The following RRN3 variants were observed in gnomAD, a reference collection of about 807,000 sequenced individuals.
RRN3 encodes RNA polymerase I-specific transcription initiation factor RRN3.
A neutral mutation model predicts 82.3 loss-of-function variants in RRN3; 38 were observed. The ratio of observed to expected loss-of-function variants is 0.46; its 90% CI spans 0.36 to 0.61. The LOEUF is 0.61. Ranked by LOEUF, RRN3 falls within the 20% of genes least tolerant of loss-of-function variation. RRN3 has a pLI of 0.00. For synonymous variants in RRN3, 284 were observed against 284.3 expected, an observed-to-expected ratio of 1.00 and a Z score of 0.01; for missense variants, 726 against 793.1, an observed-to-expected ratio of 0.92 and a Z score of 1.02.
At chr16:15,062,858 G>A (rs1202045064) in intron 17 of RRN3, among the ~76,000 whole-genome samples, 1 of 152,172 alleles carries the variant, frequency 6.6e-6, no homozygotes, top group Non-Finnish European at 1.5e-5. Context: ...AGTAAGACAC[G>A]GTTTTGGTGT....
In RRN3 at chr16:15,060,079, A is replaced by G. The variant is rs1176847374; in HGVS notation, c.*1665T>C. The G allele has an allele frequency of 3.2e-6, 1 of 311,068 alleles. No homozygotes were observed. The highest frequency in any genetic ancestry group is 6.4e-6 in the Non-Finnish European group (1 of 155,754). 19.3% of individuals were successfully genotyped at this position (311,068 alleles called of 1,614,324 possible). A position where few individuals can be genotyped will look rare whatever the true frequency, so the allele number is the denominator to read the frequency against. On this transcript the variant is annotated 3_prime_UTR_variant, in exon 18 of 18. Coordinates refer to ENST00000198767, the MANE Select transcript of RRN3 (RefSeq NM_018427.5). ...GGTATAAGAACGTAAGTTCCAGATT[A>G]ACCATGTCATTGTTTCATTTTCACC...
Position 15,094,168 on chromosome 16 carries a change from C to T in RRN3, c.66G>A (p.Lys22=), listed in dbSNP as rs141563647. ...GDAAASSSAV[K]KLGASRTGIS... is the part of the protein sequence containing the mutation. Reference sequence around the variant, plus strand: ...ACCCAGTCCTCGACGCGCCCAGCTTCTTAACTGCAGAGGACGAAGCGGCCG... The same window carrying T: ...ACCCAGTCCTCGACGCGCCCAGCTTTTTAACTGCAGAGGACGAAGCGGCCG... The change falls in exon 1 of 18, where the codon AAG becomes AAA. Residue 22 remains lysine, a synonymous_variant. Coordinates refer to ENST00000198767, the MANE Select transcript of RRN3 (RefSeq NM_018427.5). 2 of 1,602,248 alleles carry T rather than the reference C, an allele frequency of 1.2e-6. No homozygotes were observed. The highest frequency in any genetic ancestry group is 1.7e-6 in the Non-Finnish European group (2 of 1,174,696).
At chr16:15,086,304 CAT>C in intron 4 of RRN3, 46 bp from the exon 5 acceptor site, 1 of 1,601,666 alleles carries the variant, frequency 6.2e-7, no homozygotes, top group African/African-American at 1.3e-5. Context: ...ATTAATATAA[CAT>C]ATACTATTAC....
In RRN3 at chr16:15,085,637, A is replaced by ACTAT. The variant is rs1364237939; in HGVS notation, c.530_532+1dup. ...CCAGGCTTTAAACCTTTTTATACTT[A>ACTAT]CTATCATCTTCATCATCAGAATCTG... On this transcript the variant is annotated splice_donor_variant, in intron 6 of 17. Coordinates refer to ENST00000198767, the MANE Select transcript of RRN3 (RefSeq NM_018427.5). LOFTEE classifies it high-confidence loss of function. The ACTAT allele has an allele frequency of 1.9e-6, 3 of 1,612,768 alleles. No homozygotes were observed. Among genetic ancestry groups the ACTAT allele is most frequent in the Non-Finnish European group, 2.5e-6 (3 of 1,179,336 alleles).
At chr16:15,078,755 A>G (rs1365200602) in intron 9 of RRN3, among the ~76,000 whole-genome samples, 5 of 151,260 alleles carry the variant, frequency 3.3e-5, no homozygotes, top group Middle Eastern at 3.2e-3. Context: ...CCCACCAGCA[A>G]CTGAACCTGG....
At chr16:15,091,575 G>T (rs925484909) in intron 2 of RRN3, among the ~76,000 whole-genome samples, 2 of 151,460 alleles carry the variant, frequency 1.3e-5, no homozygotes, top group African/African-American at 4.9e-5. Flanking sequence ...AAAGGAAAAT[G>T]ATAAACTACA....
At chr16:15,085,171 A>T (rs1474949452) in intron 6 of RRN3, among the ~76,000 whole-genome samples, 1 of 152,260 alleles carries the variant, frequency 6.6e-6, no homozygotes, top group East Asian at 1.9e-4. Flanking sequence ...TTTCTCCACC[A>T]GCATCAACGA....
rs202186536 is a variant in RRN3, at chr16:15,083,164, G to T, written c.666+349C>A. On this transcript the variant is annotated intron_variant, in intron 8 of 17. Transcript: ENST00000198767. ...TTCACTAATCCCAGCACTTTGGGAG[G>T]CCGAGGCAGGCAGATCACAAGGTCA... is the stretch of plus-strand genomic sequence containing the variant. 4.6e-5 allele frequency among the ~76,000 whole-genome samples: 7 copies of T among 152,304 alleles called. No homozygotes were observed. In the East Asian group the frequency reaches 9.6e-4, roughly 21 times the overall value.
intron 10 of RRN3, 71 bp from the exon 11 acceptor site, chr16:15,074,932 A>C (rs1389746215): frequency 1.4e-6 from 2 of 1,401,902 alleles, no homozygotes; most frequent in East Asian, 4.8e-5. Flanking sequence ...GAAAACTGTC[A>C]TAAGTGATTA....
At chr16:15,093,639 T>C (rs1238304983) in intron 1 of RRN3, among the ~76,000 whole-genome samples, 1 of 152,182 alleles carries the variant, frequency 6.6e-6, no homozygotes, top group African/African-American at 2.4e-5. Context: ...AAACATAGCA[T>C]CCTAATGACT....
Position 15,070,105 on chromosome 16 carries a change from C to T in RRN3, c.1409G>A (p.Arg470Lys). The T allele has an allele frequency of 6.3e-7, 1 of 1,596,380 alleles. No individual in the cohort carries two copies. The highest frequency in any genetic ancestry group is 8.5e-7 in the Non-Finnish European group (1 of 1,170,148). The change falls in exon 14 of 18, where the codon AGA becomes AAA. Residue 470 changes from arginine to lysine, a missense_variant. By Grantham distance (26) the Arg-to-Lys change is conservative (BLOSUM62 2). Around this residue, in one of 4 missense-constraint regions of RRN3, gnomAD observed 81 missense variants for 156.4 expected, o/e 0.52. Coordinates refer to ENST00000198767, the MANE Select transcript of RRN3 (RefSeq NM_018427.5). The stretch of plus-strand genomic sequence containing the variant: ...GTTTCCGCTCAAAAGCTGCTTGTGT[C>T]TAAAAACAAAGGTGTAGAACACAGC... ...CQAVFYTFVF[R>K]HKQLLSGNLK...
chr16:15,075,266 A>C (rs1388290674), intron 10 of RRN3, among the ~76,000 whole-genome samples: 1 of 150,304 alleles, frequency 6.7e-6, no homozygotes, highest in Non-Finnish European at 1.5e-5. Flanking sequence ...AAAAAAAAAA[A>C]AACTAAACTA....
rs770133244 is a variant in RRN3 at position 15,080,065 on chromosome 16, C to G, written c.698G>C (p.Ser233Thr). ...ATGCCTCAAGGTTGGAAAATATACA[C>G]TAATCCTTAGTAAGTTATGAACGTA... The part of the protein sequence containing the change: ...ECYVHNLLRI[S>T]VYFPTLRHEI... The change falls in exon 9 of 18, where the codon AGT (serine) becomes ACT (threonine). Residue 233 changes from serine (S) to threonine (T), a missense_variant. By Grantham distance (58) the Ser-to-Thr change is moderately conservative. Around this residue, in one of 4 missense-constraint regions of RRN3, gnomAD observed 344 missense variants for 394.5 expected, o/e 0.87. Transcript: ENST00000198767. 1.8e-5 allele frequency: 29 copies of G among 1,601,850 alleles called. No homozygotes were observed. Among genetic ancestry groups the G allele is most frequent in the East Asian group, 8.9e-5 (4 of 44,744 alleles).
rs1272681922 is a variant in RRN3, at chr16:15,094,103, C to G, written c.89+42G>C. On this transcript the variant is annotated intron_variant, in intron 1 of 17. Transcript: ENST00000198767. ...CCGCTCCTCTAAGCGCCGTCCTGAG[C>G]TTTCGTCCCAGATACGCAGAAGGAA... is the stretch of plus-strand genomic sequence containing the variant. 2.6e-6 allele frequency: 4 copies of G among 1,536,634 alleles called. No homozygotes were observed. In the Admixed American group the frequency reaches 7.6e-5, roughly 29 times the overall value.
intron 9 of RRN3, 149 bp from the exon 10 acceptor site, chr16:15,076,799 G>A: frequency 3.2e-6 from 2 of 626,922 alleles, no homozygotes; most frequent in South Asian, 2.0e-5. Flanking sequence ...CAATTATGGT[G>A]CAAGCCTGTA....
intron 3 of RRN3, among the ~76,000 whole-genome samples, chr16:15,089,686 G>C (rs1399416179): frequency 6.8e-6 from 1 of 147,780 alleles, no homozygotes; most frequent in African/African-American, 2.5e-5. Context: ...TGTAGTCTCA[G>C]CTACTTGGGA....
intron 3 of RRN3, among the ~76,000 whole-genome samples, chr16:15,087,838 G>C (rs1197652656): frequency 6.6e-6 from 1 of 152,120 alleles, no homozygotes; most frequent in Non-Finnish European, 1.5e-5. Context: ...AATCAGGCTG[G>C]GCGTGGTAGC....
chr16:15,061,917 T>C lies in RRN3; in HGVS notation c.1795-12A>G. The C allele has an allele frequency of 6.2e-7, 1 of 1,601,914 alleles. No individual in the cohort carries two copies. The highest frequency in any genetic ancestry group is 1.3e-5 in the African/African-American group (1 of 74,910). The stretch of plus-strand genomic sequence containing the variant: ...TCTTCCACTATGTCCTGCAGAAACA[T>C]CAGAAATCATCAGTAACATCACCAG... On this transcript the variant is annotated splice_polypyrimidine_tract_variant and intron_variant, in intron 17 of 17. Transcript: ENST00000198767.
intron 17 of RRN3, among the ~76,000 whole-genome samples, chr16:15,062,619 A>T (rs1348268109): frequency 6.6e-6 from 1 of 152,198 alleles, no homozygotes; most frequent in African/African-American, 2.4e-5. Context: ...AGATCTATAA[A>T]ACTAATGTAA....
Sources: allele counts gnomAD v4.1 joint callset (sites outside exome capture counted in the v4.1 genomes callset), GRCh38; gene constraint gnomAD v4.1.1; regional missense constraint gnomAD v4.1.1; transcripts MANE v1.5; gene names NCBI Gene and HGNC (gene_info 2026-07-23, HGNC 2026-07-21).